CCSER1: variants seen among roughly 807,000 people sequenced by gnomAD.
The protein encoded by CCSER1 is serine-rich coiled-coil domain-containing protein 1.
Under a neutral mutation model 82.0 loss-of-function variants are expected in CCSER1, and 41 were observed. The ratio of observed to expected loss-of-function variants is 0.50; its 90% CI spans 0.39 to 0.65. The LOEUF (loss-of-function observed/expected upper bound fraction) is 0.65, where lower values mean the gene tolerates loss of function less well. CCSER1 is among the 30% of genes least tolerant of loss of function. The pLI, the probability that CCSER1 is intolerant of heterozygous loss-of-function variation, is 0.00. For synonymous variants in CCSER1, 414 were observed against 383.9 expected, an observed-to-expected ratio of 1.08 and a Z score of -0.92; for missense variants, 1,119 against 1,064.2, an observed-to-expected ratio of 1.05 and a Z score of -0.72.
intron 10 of CCSER1, among the ~76,000 whole-genome samples, chr4:91,408,123 G>A (rs1307437591): frequency 2.0e-5 from 3 of 152,104 alleles, no homozygotes; most frequent in Non-Finnish European, 2.9e-5. Context: ...AGCCTCAGTT[G>A]TATTAAGATA....
At chr4:91,340,918 C>A (rs1489195902) in intron 10 of CCSER1, among the ~76,000 whole-genome samples, 1 of 152,126 alleles carries the variant, frequency 6.6e-6, no homozygotes, top group East Asian at 1.9e-4. Context: ...TATAAAAAAT[C>A]ATTTAGCTTT....
chr4:91,277,318 C>T lies in CCSER1; in HGVS notation c.2217+191324C>T, dbSNP rs184456784. On this transcript the variant is annotated intron_variant, in intron 10 of 10. Transcript: ENST00000509176. ...GTATTCAATTCTGGACTTCTTTTGG[C>T]GGGGCTTGGCGGAGACTTTTTATTA... Among the ~76,000 whole-genome samples the T allele has an allele frequency of 5.2e-4, 79 of 151,888 alleles. 1 individual carries two copies. The highest frequency in any genetic ancestry group is 1.3e-3 in the African/African-American group (54 of 41,494).
chr4:90,635,554 A>G (rs1027709352), intron 6 of CCSER1, among the ~76,000 whole-genome samples: 6 of 151,880 alleles, frequency 4.0e-5, no homozygotes, highest in Non-Finnish European at 7.4e-5. Flanking sequence ...TTCTGGATAT[A>G]GTTAAAACTA....
intron 4 of CCSER1, among the ~76,000 whole-genome samples, chr4:90,411,835 C>T (rs938196483): frequency 3.5e-4 from 54 of 152,180 alleles, no homozygotes; most frequent in Non-Finnish European, 6.6e-4. Context: ...TCAAATTGTC[C>T]CTGTTTGCAG....
chr4:91,518,844 T>C (rs1369627205), intron 10 of CCSER1, among the ~76,000 whole-genome samples: 1 of 152,068 alleles, frequency 6.6e-6, no homozygotes, highest in African/African-American at 2.4e-5. Flanking sequence ...CAGCCATGGG[T>C]TGGGCAACTA....
intron 10 of CCSER1, among the ~76,000 whole-genome samples, chr4:91,313,031 CT>C (rs1437505577): frequency 6.6e-6 from 1 of 151,638 alleles, no homozygotes; most frequent in East Asian, 2.0e-4. Flanking sequence ...TATACCTTTC[CT>C]TTTTACTCTT....
At chr4:90,942,950 A>C (rs1449475826) in intron 9 of CCSER1, among the ~76,000 whole-genome samples, 1 of 106,768 alleles carries the variant, frequency 9.4e-6, no homozygotes, top group East Asian at 2.3e-4. Context: ...ATTATTTTTC[A>C]TATATATATA....
At position 91,174,874 on chromosome 4, in the gene CCSER1, C is replaced by T. The variant is rs114030528; in HGVS notation, c.2217+88880C>T. 3.4e-3 allele frequency among the ~76,000 whole-genome samples: 515 copies of T among 151,110 alleles called. 2 individuals are homozygous for T. The highest frequency in any genetic ancestry group is 0.012 in the African/African-American group (473 of 41,086). On this transcript the variant is annotated intron_variant, in intron 10 of 10. Transcript: ENST00000509176. ...TTCTAGGGTACATGTGCACGACATG[C>T]AGATTTGTTACATATGTATACATGT... is the stretch of plus-strand genomic sequence containing the variant.
At chr4:90,180,907 T>C (rs1427405272) in intron 1 of CCSER1, among the ~76,000 whole-genome samples, 1 of 152,184 alleles carries the variant, frequency 6.6e-6, no homozygotes, top group Non-Finnish European at 1.5e-5. Flanking sequence ...TATACGAGTT[T>C]GAATAATTGC....
intron 10 of CCSER1, among the ~76,000 whole-genome samples, chr4:91,424,177 C>T (rs986978445): frequency 1.7e-4 from 26 of 150,888 alleles, no homozygotes; most frequent in Admixed American, 3.3e-4. Flanking sequence ...CCACCGCGCC[C>T]GGCTAATTTT....
chr4:90,968,205 A>T (rs2150391985), intron 9 of CCSER1, among the ~76,000 whole-genome samples: 1 of 151,970 alleles, frequency 6.6e-6, no homozygotes, highest in South Asian at 2.1e-4. Flanking sequence ...TAAAATATTA[A>T]CATAAAATAA....
chr4:91,012,535 C>T (rs1360682108), intron 9 of CCSER1, among the ~76,000 whole-genome samples: 1 of 151,684 alleles, frequency 6.6e-6, no homozygotes, highest in African/African-American at 2.4e-5. Flanking sequence ...GGTGAAGTAC[C>T]TCTAAGGCTG....
rs550677164 is a variant in CCSER1 at position 90,156,881 on chromosome 4, T to G, written c.-42+29050T>G. Among the ~76,000 whole-genome samples the G allele has an allele frequency of 1.1e-4, 17 of 152,322 alleles. No homozygotes were observed. In the South Asian group the frequency reaches 1.7e-3, roughly 15 times the overall value. The stretch of plus-strand genomic sequence containing the variant: ...ACATTTAGTCCAGTTACATTTAAAG[T>G]TAATATTGTTATGTGTGAATTCGAT... On this transcript the variant is annotated intron_variant, in intron 1 of 10. Coordinates refer to ENST00000509176, the MANE Select transcript of CCSER1 (RefSeq NM_001145065.2).
chr4:90,376,296 A>G (rs989338609), intron 3 of CCSER1, among the ~76,000 whole-genome samples: 3 of 152,190 alleles, frequency 2.0e-5, no homozygotes, highest in Non-Finnish European at 4.4e-5. Context: ...AAAAGGCAGT[A>G]CAACATTTCT....
At chr4:90,437,848 T>A (rs1339181119) in intron 4 of CCSER1, among the ~76,000 whole-genome samples, 1 of 152,172 alleles carries the variant, frequency 6.6e-6, no homozygotes, top group Non-Finnish European at 1.5e-5. Context: ...AAATGATCCT[T>A]GAGAACTGAA....
At chr4:90,139,508 T>G (rs1724330405) in intron 1 of CCSER1, among the ~76,000 whole-genome samples, 1 of 152,224 alleles carries the variant, frequency 6.6e-6, no homozygotes, top group Non-Finnish European at 1.5e-5. Flanking sequence ...TTTTATTTTA[T>G]TTTATTCTAT....
chr4:90,342,164 T>A (rs552902786), intron 3 of CCSER1, among the ~76,000 whole-genome samples: 1 of 152,308 alleles, frequency 6.6e-6, no homozygotes, highest in African/African-American at 2.4e-5. Flanking sequence ...AAGCGAGGGA[T>A]ATACAAAGAG....
chr4:91,483,821 T>C (rs1758077898), intron 10 of CCSER1, among the ~76,000 whole-genome samples: 1 of 152,176 alleles, frequency 6.6e-6, no homozygotes, highest in South Asian at 2.1e-4. Context: ...TCATGCGTTC[T>C]AACAATGCGA....
At chr4:91,143,239 G>A (rs1216241811) in intron 10 of CCSER1, among the ~76,000 whole-genome samples, 1 of 149,036 alleles carries the variant, frequency 6.7e-6, no homozygotes, top group Non-Finnish European at 1.5e-5. Context: ...TGTGTGTGCG[G>A]CTATTGTGAA....
Sources: gnomAD v4.1 joint callset for allele counts (sites outside exome capture counted in the v4.1 genomes callset) on GRCh38, gnomAD v4.1.1 for gene constraint, MANE v1.5 for transcripts, NCBI Gene and HGNC (gene_info 2026-07-23, HGNC 2026-07-21) for gene names.